The following CPNE8 variants were observed in gnomAD, a reference collection of about 807,000 sequenced individuals.
CPNE8 encodes copine 8, also known as copine-8.
Under a neutral mutation model 81.5 loss-of-function variants are expected in CPNE8, and 45 were observed. The observed-to-expected ratio is 0.55, with a 90% CI of 0.44 to 0.71. CPNE8 has a LOEUF of 0.71. CPNE8 is among the 30% of genes least tolerant of loss of function. The probability of loss-of-function intolerance (pLI) is 0.00; values close to 1 mark genes in which losing one functional copy is unlikely to be tolerated. For synonymous variants in CPNE8, 252 were observed against 226.3 expected, an observed-to-expected ratio of 1.11 and a Z score of -1.02; for missense variants, 594 against 672.1, an observed-to-expected ratio of 0.88 and a Z score of 1.28.
chr12:38,756,784 A>ATG (rs1941469889), intron 10 of CPNE8, among the ~76,000 whole-genome samples: 1 of 152,226 alleles, frequency 6.6e-6, no homozygotes, highest in African/African-American at 2.4e-5. Context: ...GGACTTCATT[A>ATG]AAGTCTACGT....
At chr12:38,821,400 C>A (rs1035733487) in intron 6 of CPNE8, among the ~76,000 whole-genome samples, 1 of 152,176 alleles carries the variant, frequency 6.6e-6, no homozygotes, top group African/African-American at 2.4e-5. Context: ...TACTCAGATT[C>A]TATCTACCAG....
At chr12:38,658,864 C>T (rs571526870) in intron 19 of CPNE8, among the ~76,000 whole-genome samples, 7 of 152,092 alleles carry the variant, frequency 4.6e-5, no homozygotes, top group Non-Finnish European at 1.0e-4. Flanking sequence ...GATTTTGTCA[C>T]CACCAGGCCT....
intron 5 of CPNE8, among the ~76,000 whole-genome samples, chr12:38,832,266 T>C (rs971283639): frequency 6.6e-6 from 1 of 152,142 alleles, no homozygotes; most frequent in African/African-American, 2.4e-5. Context: ...GGAAAGGGTG[T>C]GTGGCTTGAC....
intron 2 of CPNE8, 66 bp downstream of exon 2, chr12:38,874,405 C>T: frequency 8.5e-7 from 1 of 1,178,416 alleles, no homozygotes; most frequent in Non-Finnish European, 1.3e-6. Context: ...TAAACAAGAA[C>T]TATGAGTTTC....
At chr12:38,888,292 G>C (rs1445957280) in intron 1 of CPNE8, among the ~76,000 whole-genome samples, 6 of 152,164 alleles carry the variant, frequency 3.9e-5, no homozygotes, top group African/African-American at 1.4e-4. Flanking sequence ...CATTTCAAAA[G>C]AAAATCTTTA....
Position 38,729,508 on chromosome 12 carries a change from C to T in CPNE8, c.798+775G>A, listed in dbSNP as rs868759693. Among the ~76,000 whole-genome samples the T allele has an allele frequency of 2.6e-5, 4 of 151,926 alleles. No homozygotes were observed. The East Asian group carries it at 5.8e-4, about 22-fold the overall frequency. On this transcript the variant is annotated intron_variant, in intron 11 of 19. Transcript: ENST00000331366. Reference sequence around the variant, plus strand: ...CATAGAACATAAAATATAGAAACTACTTAAAAAATTGTTTTGTGAATGAAT... The same window carrying T: ...CATAGAACATAAAATATAGAAACTATTTAAAAAATTGTTTTGTGAATGAAT...
chr12:38,762,002 G>T, intron 9 of CPNE8, 110 bp downstream of exon 9: 2 of 468,476 alleles, frequency 4.3e-6, no homozygotes, highest in Non-Finnish European at 3.7e-6. Flanking sequence ...TTCATTTTTG[G>T]AAAATAAGTT....
chr12:38,793,532 C>G (rs995639734), intron 6 of CPNE8, among the ~76,000 whole-genome samples: 1 of 151,636 alleles, frequency 6.6e-6, no homozygotes, highest in Admixed American at 6.6e-5. Context: ...AAAACATTTA[C>G]AATTAAAACC....
At chr12:38,765,639 G>A (rs1719833) in intron 8 of CPNE8, among the ~76,000 whole-genome samples, 14,857 of 152,130 alleles carry the variant, frequency 0.098, 942 homozygotes, top group East Asian at 0.25. Context: ...AAAAGCATCT[G>A]TATACACTCA....
rs1941933975 is a variant in CPNE8 at position 38,776,272 on chromosome 12, A to C, written c.437T>G (p.Ile146Ser). ...GTTTAATTCCTCTGCTGTAAGTATGATTGTACCACATTTCTTCCCTGGAAT... is the reference window on the plus strand; with the variant it reads ...GTTTAATTCCTCTGCTGTAAGTATGCTTGTACCACATTTCTTCCCTGGAAT... ...VGIPGKKCGT[I>S]ILTAEELNCC... is the part of the protein sequence containing the mutation. Residue 146 changes from isoleucine (I) to serine (S), a missense_variant, in exon 7 of 20, where the codon ATC (isoleucine) becomes AGC (serine). Transcript: ENST00000331366. The C allele has an allele frequency of 1.3e-6, 2 of 1,547,518 alleles. No individual in the cohort carries two copies. Among genetic ancestry groups the C allele is most frequent in the Non-Finnish European group, 1.8e-6 (2 of 1,138,756 alleles).
intron 1 of CPNE8, among the ~76,000 whole-genome samples, chr12:38,878,056 T>C (rs1054759939): frequency 5.9e-5 from 9 of 152,204 alleles, no homozygotes; most frequent in Non-Finnish European, 1.2e-4. Context: ...CCATGACAGT[T>C]TACAAATGCC....
chr12:38,687,219 C>T (rs992034854), intron 15 of CPNE8, among the ~76,000 whole-genome samples: 14 of 152,022 alleles, frequency 9.2e-5, no homozygotes, highest in Non-Finnish European at 2.1e-4. Flanking sequence ...ATTAACCCCA[C>T]TTTATAAAGA....
intron 1 of CPNE8, among the ~76,000 whole-genome samples, chr12:38,884,059 T>C (rs1425728503): frequency 6.6e-6 from 1 of 152,192 alleles, no homozygotes; most frequent in African/African-American, 2.4e-5. Context: ...CTATAAAATT[T>C]GCCCTTTTAA....
chr12:38,862,324 A>G (rs1000503757), intron 3 of CPNE8, among the ~76,000 whole-genome samples: 1 of 151,790 alleles, frequency 6.6e-6, no homozygotes, highest in African/African-American at 2.4e-5. Flanking sequence ...GTGGAAACAT[A>G]TGAGTTTAAT....
At chr12:38,883,939 G>A (rs563754736) in intron 1 of CPNE8, among the ~76,000 whole-genome samples, 5 of 152,252 alleles carry the variant, frequency 3.3e-5, no homozygotes, top group South Asian at 2.1e-4. Context: ...CTAGGCCTAC[G>A]GCACCACTCT....
At chr12:38,905,827 G>T, upstream of CPNE8, 5 of 985,318 alleles carry the variant, frequency 5.1e-6, no homozygotes, top group Non-Finnish European at 4.8e-6. Flanking sequence ...GACACACTCC[G>T]TGATCCCCTC....
chr12:38,756,950 G>A (rs7312879), intron 10 of CPNE8, among the ~76,000 whole-genome samples: 50,701 of 151,920 alleles, frequency 0.33, 10,134 homozygotes, highest in Non-Finnish European at 0.46. Flanking sequence ...ATTTTGTATT[G>A]ATTCTATATT....
At chr12:38,740,731 G>C (rs1360696372) in intron 10 of CPNE8, among the ~76,000 whole-genome samples, 1 of 152,144 alleles carries the variant, frequency 6.6e-6, no homozygotes, top group Non-Finnish European at 1.5e-5. Context: ...TGCATCCCAG[G>C]GATGAAGCCC....
chr12:38,662,098 G>A (rs1373008029), intron 19 of CPNE8, among the ~76,000 whole-genome samples: 2 of 152,112 alleles, frequency 1.3e-5, no homozygotes, highest in Non-Finnish European at 2.9e-5. Flanking sequence ...ACTTGAACAA[G>A]AGAAAGATGC....
Sources: gnomAD v4.1 joint callset for allele counts (sites outside exome capture counted in the v4.1 genomes callset) on GRCh38, gnomAD v4.1.1 for gene constraint, MANE v1.5 for transcripts, NCBI Gene and HGNC (gene_info 2026-07-23, HGNC 2026-07-21) for gene names.